The following CAST variants were observed in gnomAD, a reference collection of about 807,000 sequenced individuals.
CAST encodes calpastatin, also known as MIR583 host.
CAST carries 76 observed loss-of-function variants against 119.6 expected under a neutral mutation model. The observed-to-expected ratio is 0.64, with a 90% CI of 0.53 to 0.77. The LOEUF (loss-of-function observed/expected upper bound fraction) is 0.77. Among genes scored for constraint, CAST ranks in the 30% least tolerant of loss-of-function variants. The pLI, the probability that CAST is intolerant of heterozygous loss-of-function variation, is 0.00. For missense variants in CAST, 953 were observed against 946.5 expected, an observed-to-expected ratio of 1.01 and a Z score of -0.09; for synonymous variants, 319 against 331.6, an observed-to-expected ratio of 0.96 and a Z score of 0.41.
the CAST span, among the ~76,000 whole-genome samples, chr5:96,348,810 A>G: frequency 3.3e-5 from 5 of 152,132 alleles, no homozygotes; most frequent in African/African-American, 1.2e-4. Context: ...TGTCTGGAAC[A>G]TGAACCCACT....
the CAST span, among the ~76,000 whole-genome samples, chr5:96,078,777 A>G: frequency 6.6e-6 from 1 of 152,156 alleles, no homozygotes; most frequent in South Asian, 2.1e-4. Flanking sequence ...TTAAGAATGT[A>G]TTTCACAGTG....
At chr5:96,433,602 G>A in the CAST span, among the ~76,000 whole-genome samples, 33 of 152,168 alleles carry the variant, frequency 2.2e-4, no homozygotes, top group South Asian at 2.7e-3. Context: ...TGTGTGTGGC[G>A]GGGAGGGGGG....
the CAST span, among the ~76,000 whole-genome samples, chr5:96,504,604 C>T: frequency 6.6e-6 from 1 of 151,948 alleles, no homozygotes; most frequent in Admixed American, 6.6e-5. Context: ...ATTCCTCTTC[C>T]CCCTTCTCAT....
chr5:96,046,040 A>G, the CAST span, among the ~76,000 whole-genome samples: 2 of 152,136 alleles, frequency 1.3e-5, no homozygotes, highest in South Asian at 4.1e-4. Context: ...AGCAATGCAT[A>G]TTTCAGGCAG....
the CAST span, among the ~76,000 whole-genome samples, chr5:95,971,956 A>C: frequency 3.6e-5 from 5 of 138,904 alleles, no homozygotes; most frequent in Non-Finnish European, 7.8e-5. Flanking sequence ...TATTTCTTTT[A>C]TTTCTTTTTT....
At chr5:96,283,841 C>T in the CAST span, among the ~76,000 whole-genome samples, 6 of 152,318 alleles carry the variant, frequency 3.9e-5, no homozygotes, top group South Asian at 1.0e-3. Flanking sequence ...CAAATGACTT[C>T]ACAAACTGTT....
intron 1 of CAST, among the ~76,000 whole-genome samples, chr5:96,617,044 C>T (rs1051687606): frequency 6.6e-6 from 1 of 152,136 alleles, no homozygotes; most frequent in African/African-American, 2.4e-5. Flanking sequence ...AAGGCCATTG[C>T]TTGAATCATA....
chr5:96,741,091 C>T (rs1762567938), intron 13 of CAST, 175 bp from the exon 14 acceptor site: 1 of 600,170 alleles, frequency 1.7e-6, no homozygotes. Context: ...AAATAATACT[C>T]AATGAGTAGC....
At chr5:96,343,027 A>C in the CAST span, among the ~76,000 whole-genome samples, 1 of 152,174 alleles carries the variant, frequency 6.6e-6, no homozygotes, top group South Asian at 2.1e-4. Flanking sequence ...TATTGAAGGA[A>C]ATATTTTGTT....
At chr5:96,002,165 T>G in the CAST span, among the ~76,000 whole-genome samples, 1 of 152,378 alleles carries the variant, frequency 6.6e-6, no homozygotes, top group East Asian at 1.9e-4. Context: ...TATATGAGCT[T>G]TAATTATACC....
intron 17 of CAST, among the ~76,000 whole-genome samples, chr5:96,747,090 A>G (rs984103263): frequency 3.3e-5 from 5 of 152,086 alleles, no homozygotes; most frequent in African/African-American, 1.2e-4. Flanking sequence ...TTTTCCTATT[A>G]CTCTACCCAA....
chr5:96,169,036 G>T, the CAST span, among the ~76,000 whole-genome samples: 2 of 152,176 alleles, frequency 1.3e-5, no homozygotes, highest in African/African-American at 4.8e-5. Context: ...AAGGCTACAG[G>T]GCGCGGTCCC....
chr5:96,728,783 A>G (rs961282791), intron 6 of CAST: 1 of 170,918 alleles, frequency 5.9e-6, no homozygotes, highest in African/African-American at 2.4e-5. Context: ...GGCCTAAAAT[A>G]TATTTTCTAG....
the CAST span, among the ~76,000 whole-genome samples, chr5:96,240,094 C>T: frequency 1.3e-5 from 2 of 151,794 alleles, no homozygotes; most frequent in Non-Finnish European, 2.9e-5. Flanking sequence ...TTTGTTTTTC[C>T]ATCTTGAATG....
chr5:96,254,879 G>A, the CAST span, among the ~76,000 whole-genome samples: 19,402 of 151,990 alleles, frequency 0.13, 1,582 homozygotes, highest in East Asian at 0.22. Flanking sequence ...ATCCAGAGCT[G>A]GAATTTTATA....
the CAST span, among the ~76,000 whole-genome samples, chr5:96,226,280 C>T: frequency 6.6e-6 from 1 of 152,132 alleles, no homozygotes; most frequent in Non-Finnish European, 1.5e-5. Context: ...CAGGACCTTA[C>T]AACCGTTGTA....
chr5:96,234,877 AAATT>A, the CAST span, among the ~76,000 whole-genome samples: 1 of 152,206 alleles, frequency 6.6e-6, no homozygotes. Context: ...TACATAAAAT[AAATT>A]ACATATGTAG....
the CAST span, among the ~76,000 whole-genome samples, chr5:96,078,096 A>G: frequency 6.6e-6 from 1 of 152,220 alleles, no homozygotes; most frequent in Non-Finnish European, 1.5e-5. Flanking sequence ...GTGCCCTCAC[A>G]TGGCAGAGGG....
chr5:96,636,503 C>T (rs72772055), intron 1 of CAST, among the ~76,000 whole-genome samples: 2,922 of 151,438 alleles, frequency 0.019, 41 homozygotes, highest in Non-Finnish European at 0.027. Flanking sequence ...TCATCAGTGG[C>T]GCTGATGGCT....
Sources: gnomAD v4.1 joint callset for allele counts (sites outside exome capture counted in the v4.1 genomes callset) on GRCh38, gnomAD v4.1.1 for gene constraint, MANE v1.5 for transcripts, NCBI Gene and HGNC (gene_info 2026-07-23, HGNC 2026-07-21) for gene names.